The following ACVR1 variants were observed in gnomAD, a reference collection of about 807,000 sequenced individuals.
ACVR1 encodes activin receptor type-1.
ACVR1 carries 38 observed loss-of-function variants against 57.1 expected under a neutral mutation model. That is an observed-to-expected ratio of 0.67 (90% CI 0.51 to 0.87). ACVR1 has a LOEUF of 0.87. ACVR1 is among the 40% of genes least tolerant of loss of function. ACVR1 has a pLI of 0.00. For missense variants in ACVR1, 463 were observed against 638.2 expected (o/e 0.73, Z 2.96); for synonymous variants, 212 against 228.1 (o/e 0.93, Z 0.63).
intron 1 of ACVR1, among the ~76,000 whole-genome samples, chr2:157,841,890 T>G (rs1688989826): frequency 6.6e-6 from 1 of 151,634 alleles, no homozygotes; most frequent in Non-Finnish European, 1.5e-5. Context: ...AGCTGGGCGT[T>G]GTGGCAGGCG....
intron 5 of ACVR1, among the ~76,000 whole-genome samples, 153 bp downstream of exon 5, chr2:157,777,978 G>T (rs556308924): frequency 6.6e-6 from 1 of 152,166 alleles, no homozygotes; most frequent in African/African-American, 2.4e-5. Context: ...CTACACAGGT[G>T]CCAGCATGTG....
intron 7 of ACVR1, 62 bp from the exon 8 acceptor site, chr2:157,766,258 T>C: frequency 6.5e-7 from 1 of 1,538,196 alleles, no homozygotes; most frequent in East Asian, 2.3e-5. Flanking sequence ...TTAAAGTATT[T>C]AGAAATAGCG....
rs111527182 is a variant in ACVR1, at chr2:157,839,970, C to T, written c.-182-21411G>A. 3.6e-3 allele frequency among the ~76,000 whole-genome samples: 549 copies of T among 152,292 alleles called. 3 individuals are homozygous for T. The highest frequency in any genetic ancestry group is 0.013 in the African/African-American group (527 of 41,556). Reference sequence around the variant, plus strand: ...GATACACCCCCTCCTATTCTGCATGCTGAGGTGTGGTTGAAAACCAATCAT... The same window carrying T: ...GATACACCCCCTCCTATTCTGCATGTTGAGGTGTGGTTGAAAACCAATCAT... On this transcript the variant is annotated intron_variant, in intron 1 of 10. Transcript: ENST00000434821.
chr2:157,753,572 A>G (rs1418237720), intron 9 of ACVR1, among the ~76,000 whole-genome samples: 1 of 152,162 alleles, frequency 6.6e-6, no homozygotes, highest in Non-Finnish European at 1.5e-5. Flanking sequence ...ACAATCCTAA[A>G]TATATATGCA....
At chr2:157,787,842 C>T (rs1686768968) in intron 3 of ACVR1, among the ~76,000 whole-genome samples, 1 of 152,128 alleles carries the variant, frequency 6.6e-6, no homozygotes, top group South Asian at 2.1e-4. Context: ...AAAAAGCCAG[C>T]AGGTGGCTTT....
At chr2:157,854,425 GAA>G (rs142157427) in intron 1 of ACVR1, among the ~76,000 whole-genome samples, 6,423 of 152,218 alleles carry the variant, frequency 0.042, 172 homozygotes, top group South Asian at 0.064. Flanking sequence ...AATCCAAAAT[GAA>G]AAAAGAGTGT....
At position 157,746,430 on chromosome 2, in the gene ACVR1, G is replaced by A. The variant is rs140315498; in HGVS notation, c.1265-7860C>T. Among the ~76,000 whole-genome samples the A allele has an allele frequency of 3.1e-3, 477 of 152,266 alleles. 4 individuals are homozygous for A. The highest frequency in any genetic ancestry group is 0.014 in the Middle Eastern group (4 of 294). On this transcript the variant is annotated intron_variant, in intron 9 of 10. Coordinates refer to ENST00000434821, the MANE Select transcript of ACVR1 (RefSeq NM_001111067.4). ...CACTTCACTGCCTCCCACAGACCCA[G>A]CACAAACCCCACACAGCTCCGGAGT... is the stretch of plus-strand genomic sequence containing the variant.
intron 1 of ACVR1, among the ~76,000 whole-genome samples, chr2:157,856,789 C>A (rs541522312): frequency 6.6e-6 from 1 of 152,234 alleles, no homozygotes; most frequent in East Asian, 1.9e-4. Flanking sequence ...TAAATATTTA[C>A]AAAACATGCC....
At chr2:157,826,859 A>AG (rs1450797096) in intron 1 of ACVR1, among the ~76,000 whole-genome samples, 1 of 130,092 alleles carries the variant, frequency 7.7e-6, no homozygotes, top group African/African-American at 3.7e-5. Flanking sequence ...GAAAAGAAGA[A>AG]GGAAGGGAAA....
intron 1 of ACVR1, among the ~76,000 whole-genome samples, chr2:157,827,358 C>T (rs1688421107): frequency 6.6e-6 from 1 of 151,914 alleles, no homozygotes; most frequent in African/African-American, 2.4e-5. Flanking sequence ...AAACAAAATC[C>T]AATAAAGTTA....
At chr2:157,815,201 AG>A (rs1450324277) in intron 2 of ACVR1, among the ~76,000 whole-genome samples, 1 of 152,216 alleles carries the variant, frequency 6.6e-6, no homozygotes, top group Admixed American at 6.5e-5. Flanking sequence ...TGTGTGTAAA[AG>A]AAAAATTGTA....
intron 1 of ACVR1, among the ~76,000 whole-genome samples, chr2:157,851,805 A>G (rs1689311992): frequency 6.6e-6 from 1 of 151,520 alleles, no homozygotes; most frequent in South Asian, 2.1e-4. Context: ...AACTCTTCCC[A>G]ATCTTGTGAC....
chr2:157,874,101 A>C (rs1359466146), intron 1 of ACVR1, among the ~76,000 whole-genome samples: 2 of 152,188 alleles, frequency 1.3e-5, no homozygotes, highest in Non-Finnish European at 2.9e-5. Flanking sequence ...GCATGAACCC[A>C]ATCTATAATC....
At chr2:157,738,137 A>G (rs759141500) in intron 10 of ACVR1, among the ~76,000 whole-genome samples, 1 of 152,228 alleles carries the variant, frequency 6.6e-6, no homozygotes, top group Non-Finnish European at 1.5e-5. Flanking sequence ...CTTGGTTTAT[A>G]CATGCAGTCT....
At chr2:157,850,981 T>G (rs949609404) in intron 1 of ACVR1, among the ~76,000 whole-genome samples, 6 of 152,088 alleles carry the variant, frequency 3.9e-5, no homozygotes, top group African/African-American at 1.4e-4. Flanking sequence ...AAAAGTTAGC[T>G]TAGCAGATCT....
intron 1 of ACVR1, among the ~76,000 whole-genome samples, chr2:157,866,750 G>A (rs974563236): frequency 5.3e-5 from 8 of 152,188 alleles, no homozygotes; most frequent in African/African-American, 1.9e-4. Context: ...ATGTTCAAAA[G>A]TTGGAGACTG....
At chr2:157,795,093 AC>A (rs1395073367) in intron 3 of ACVR1, among the ~76,000 whole-genome samples, 1 of 152,154 alleles carries the variant, frequency 6.6e-6, no homozygotes, top group African/African-American at 2.4e-5. Context: ...TAGCTTCATT[AC>A]AGCACAATTA....
intron 1 of ACVR1, among the ~76,000 whole-genome samples, chr2:157,853,634 C>T (rs1166437203): frequency 6.6e-6 from 1 of 152,118 alleles, no homozygotes; most frequent in Non-Finnish European, 1.5e-5. Context: ...CCTTTTCCTC[C>T]CTAAAATCCA....
At chr2:157,820,776 A>C (rs1171715722) in intron 1 of ACVR1, among the ~76,000 whole-genome samples, 2 of 152,116 alleles carry the variant, frequency 1.3e-5, no homozygotes, top group African/African-American at 4.8e-5. Flanking sequence ...ATGACGAACA[A>C]CCTAGCACTT....
Sources: gnomAD v4.1 joint callset for allele counts (sites outside exome capture counted in the v4.1 genomes callset) on GRCh38, gnomAD v4.1.1 for gene constraint, MANE v1.5 for transcripts, NCBI Gene and HGNC (gene_info 2026-07-23, HGNC 2026-07-21) for gene names.